PRKCE: variants seen among roughly 807,000 people sequenced by gnomAD.
PRKCE encodes protein kinase C epsilon type.
In PRKCE, 16 loss-of-function variants were observed where a neutral mutation model predicts 85.4. The ratio of observed to expected loss-of-function variants is 0.19; its 90% CI spans 0.13 to 0.28. The LOEUF (loss-of-function observed/expected upper bound fraction) is 0.28. Among genes scored for constraint, PRKCE ranks in the 10% least tolerant of loss-of-function variants. The pLI is 1.00. For missense variants in PRKCE, 573 were observed against 975.2 expected, an observed-to-expected ratio of 0.59 and a Z score of 5.49; for synonymous variants, 388 against 371.5, an observed-to-expected ratio of 1.04 and a Z score of -0.51.
rs1450300669 is a variant in PRKCE, at chr2:45,895,213, A to G, written c.412+52150A>G. ...TGGGTTGGATGAGGCACATGTTTCT[A>G]GACTACTCTCCATTTTATTTTCTCA... On this transcript the variant is annotated intron_variant, in intron 2 of 14. Transcript: ENST00000306156. The surrounding 1 kb of genome is among the most constrained non-coding windows in gnomAD (Gnocchi z 4.8). Among the ~76,000 whole-genome samples, 1 of 152,134 alleles carries G rather than the reference A, an allele frequency of 6.6e-6. No individual in the cohort carries two copies. Among genetic ancestry groups the G allele is most frequent in the Non-Finnish European group, 1.5e-5 (1 of 68,028 alleles).
At chr2:45,894,096 C>T (rs943558170) in intron 2 of PRKCE, among the ~76,000 whole-genome samples, 1 of 152,190 alleles carries the variant, frequency 6.6e-6, no homozygotes, top group African/African-American at 2.4e-5. Flanking sequence ...GCAGCCCATA[C>T]ACATTGTCGC....
chr2:45,814,390 G>A (rs1688873209), intron 1 of PRKCE, among the ~76,000 whole-genome samples: 1 of 152,222 alleles, frequency 6.6e-6, no homozygotes, highest in Non-Finnish European at 1.5e-5. Flanking sequence ...CTCCCTGCCT[G>A]GAAGGCAGTG....
intron 14 of PRKCE, among the ~76,000 whole-genome samples, chr2:46,181,996 G>A (rs532662609): frequency 1.5e-4 from 23 of 152,262 alleles, no homozygotes; most frequent in African/African-American, 2.9e-4. Flanking sequence ...GGCAAGGCTC[G>A]TCCTTAGTGA....
intron 2 of PRKCE, among the ~76,000 whole-genome samples, chr2:45,894,803 A>C (rs964754288): frequency 2.0e-5 from 3 of 152,076 alleles, no homozygotes; most frequent in Non-Finnish European, 2.9e-5. Flanking sequence ...GCTCACTGCA[A>C]CCTCCGCCTC....
At position 45,762,358 on chromosome 2, in the gene PRKCE, A is replaced by G. The variant is rs767746835; in HGVS notation, c.349-80642A>G. Among the ~76,000 whole-genome samples the G allele has an allele frequency of 5.9e-5, 9 of 152,110 alleles. 1 individual carries two copies. Among genetic ancestry groups the G allele is most frequent in the Non-Finnish European group, 1.3e-4 (9 of 68,018 alleles). On this transcript the variant is annotated intron_variant, in intron 1 of 14. Transcript: ENST00000306156. ...TGAGTAATACTCAAATTTATGCCAA[A>G]ATTCCTGCCTTTTTCCCTGATCAGT... is the stretch of plus-strand genomic sequence containing the variant.
chr2:45,702,480 G>A (rs930784719), intron 1 of PRKCE, among the ~76,000 whole-genome samples: 10 of 152,148 alleles, frequency 6.6e-5, no homozygotes, highest in Admixed American at 1.3e-4. Context: ...TATAGAAGGC[G>A]CTCGGTCAGC....
At chr2:45,824,262 G>A (rs994512600) in intron 1 of PRKCE, among the ~76,000 whole-genome samples, 23 of 152,236 alleles carry the variant, frequency 1.5e-4, no homozygotes, top group African/African-American at 5.3e-4. Flanking sequence ...TAAACAGACA[G>A]CCTTTGAAGT....
chr2:45,747,791 T>A (rs547866259), intron 1 of PRKCE, among the ~76,000 whole-genome samples: 38 of 152,350 alleles, frequency 2.5e-4, no homozygotes, highest in Admixed American at 5.9e-4. Context: ...CTGTTTTTCA[T>A]AGCAGCTGCA....
intron 2 of PRKCE, among the ~76,000 whole-genome samples, chr2:45,920,645 G>GT (rs1208488595): frequency 6.6e-6 from 1 of 152,168 alleles, no homozygotes; most frequent in Non-Finnish European, 1.5e-5. Flanking sequence ...ACCACATATT[G>GT]TATGATTGCA....
intron 2 of PRKCE, among the ~76,000 whole-genome samples, chr2:45,941,144 G>A (rs1573961757): frequency 6.6e-6 from 1 of 150,928 alleles, no homozygotes; most frequent in Non-Finnish European, 1.5e-5. Flanking sequence ...CCGAAAGAGG[G>A]CCACATGCTC....
chr2:46,134,337 C>T (rs1041183890), intron 11 of PRKCE, among the ~76,000 whole-genome samples: 17 of 152,192 alleles, frequency 1.1e-4, no homozygotes, highest in Non-Finnish European at 2.5e-4. Context: ...CTGAAGGTTC[C>T]TCTGGCCTTC....
At chr2:45,914,399 G>T (rs192649173) in intron 2 of PRKCE, among the ~76,000 whole-genome samples, 1 of 152,216 alleles carries the variant, frequency 6.6e-6, no homozygotes, top group Admixed American at 6.5e-5. Context: ...GGTCCAGAGG[G>T]CTGGTGGCTC....
chr2:45,898,897 G>T (rs946679712), intron 2 of PRKCE, among the ~76,000 whole-genome samples: 1 of 152,210 alleles, frequency 6.6e-6, no homozygotes, highest in Non-Finnish European at 1.5e-5. Context: ...TCTAAGGCCT[G>T]GTCCATGAAA....
intron 1 of PRKCE, among the ~76,000 whole-genome samples, chr2:45,775,121 G>A (rs1025154756): frequency 2.0e-5 from 3 of 152,128 alleles, no homozygotes; most frequent in Admixed American, 2.0e-4. Flanking sequence ...GTCGTGGCAG[G>A]CACTTTACGT....
chr2:45,730,383 C>G (rs887322914), intron 1 of PRKCE, among the ~76,000 whole-genome samples: 2 of 151,454 alleles, frequency 1.3e-5, no homozygotes, highest in African/African-American at 4.9e-5. Flanking sequence ...GTCTCAAACT[C>G]CTGGCCTCAA....
chr2:45,974,344 G>A (rs997108867), intron 2 of PRKCE, among the ~76,000 whole-genome samples: 1 of 152,200 alleles, frequency 6.6e-6, no homozygotes, highest in Non-Finnish European at 1.5e-5. Flanking sequence ...TTGGAGCAGG[G>A]TAGGAGGTGG....
At chr2:46,124,045 C>G (rs1457237493) in intron 11 of PRKCE, among the ~76,000 whole-genome samples, 1 of 152,112 alleles carries the variant, frequency 6.6e-6, no homozygotes, top group African/African-American at 2.4e-5. Context: ...AGAGATATGG[C>G]TGGGTATGGT....
At chr2:45,885,521 A>ATGT (rs1695229804) in intron 2 of PRKCE, among the ~76,000 whole-genome samples, 2 of 152,212 alleles carry the variant, frequency 1.3e-5, no homozygotes, top group African/African-American at 4.8e-5. Flanking sequence ...CTTCCTATAC[A>ATGT]AAACAAGCCT....
At chr2:45,864,345 A>G (rs1474423679) in intron 2 of PRKCE, among the ~76,000 whole-genome samples, 1 of 152,188 alleles carries the variant, frequency 6.6e-6, no homozygotes, top group Non-Finnish European at 1.5e-5. Context: ...AAAGCCTAAC[A>G]ATAACTGCCC....
Sources: allele counts gnomAD v4.1 joint callset (sites outside exome capture counted in the v4.1 genomes callset), GRCh38; gene constraint gnomAD v4.1.1; non-coding constraint Gnocchi (gnomAD v3.1); transcripts MANE v1.5; gene names NCBI Gene and HGNC (gene_info 2026-07-23, HGNC 2026-07-21).